Variants in FAT1 observed in about 807,000 individuals in gnomAD.
FAT1 encodes FAT atypical cadherin 1.
FAT1 carries 171 observed loss-of-function variants against 329.8 expected under a neutral mutation model. The observed-to-expected ratio is 0.52, with a 90% confidence interval of 0.46 to 0.59. FAT1 has a LOEUF of 0.59. FAT1 is among the 20% of genes least tolerant of loss of function. The pLI is 0.00. For missense variants in FAT1, 5,672 were observed against 5,774.4 expected, an observed-to-expected ratio of 0.98 and a Z score of 0.57; for synonymous variants, 2,233 against 2,228.6, an observed-to-expected ratio of 1.00 and a Z score of -0.06.
intron 9 of FAT1, among the ~76,000 whole-genome samples, chr4:186,627,855 TA>T (rs1433839242): frequency 3.9e-5 from 6 of 152,192 alleles, no homozygotes; most frequent in African/African-American, 1.4e-4. Context: ...GTGGTTAAAA[TA>T]ATTTCAGAAA....
intron 3 of FAT1, among the ~76,000 whole-genome samples, chr4:186,642,611 G>A (rs1005529899): frequency 1.8e-4 from 28 of 152,188 alleles, no homozygotes; most frequent in Non-Finnish European, 3.5e-4. Context: ...TAGGCAGCGT[G>A]TGCCAGGTGC....
rs201960763 is a variant in FAT1, at chr4:186,596,918, G to T, written c.12622C>A (p.Arg4208=). ...VFVLCRKMIS[R]KKKHQAEPKD... is the part of the protein sequence containing the mutation. The stretch of plus-strand genomic sequence containing the variant: ...GGTTCAGCCTGATGCTTCTTTTTCC[G>T]ACTAATCATCTTACGGCAGAGAACA... The change falls in exon 25 of 27, where the codon CGG becomes AGG. Residue 4208 remains arginine (R), a synonymous_variant. Coordinates refer to ENST00000441802, the MANE Select transcript of FAT1 (RefSeq NM_005245.4). This position sits in a 1 kb window ranked among gnomAD's most constrained non-coding sequence, Gnocchi z 4.7. The T allele has an allele frequency of 1.9e-6, 3 of 1,613,916 alleles. No individual in the cohort carries two copies. The South Asian group carries it at 3.3e-5, about 18-fold the overall frequency.
At chr4:186,674,279 T>C (rs1487199834) in intron 2 of FAT1, among the ~76,000 whole-genome samples, 1 of 152,244 alleles carries the variant, frequency 6.6e-6, no homozygotes, top group Non-Finnish European at 1.5e-5. Flanking sequence ...AATGAATTAA[T>C]GGATTACCTT....
chr4:186,722,647 T>C (rs1745513553), intron 1 of FAT1, among the ~76,000 whole-genome samples: 2 of 152,216 alleles, frequency 1.3e-5, no homozygotes, highest in African/African-American at 4.8e-5. Context: ...TTAAGAATAG[T>C]GTGAAAAACA....
rs752916254 is a variant in FAT1, at chr4:186,620,147, T to G, written c.6439A>C (p.Asn2147His). The G allele has an allele frequency of 6.2e-7, 1 of 1,614,026 alleles. No homozygotes were observed. The highest frequency in any genetic ancestry group is 2.2e-5 in the East Asian group (1 of 44,880). Residue 2147 changes from asparagine (N) to histidine (H), a missense_variant, in exon 10 of 27, where the codon AAT becomes CAT. This residue lies in a region of FAT1 where 3,966 missense variants were observed against 3,915.2 expected (regional missense o/e 1.01). Coordinates refer to ENST00000441802, the MANE Select transcript of FAT1 (RefSeq NM_005245.4). ...LKKQFELDTL[N>H]KEYLVTVVAK... ...ACCACTGTAACAAGATATTCTTTAT[T>G]TAAGGTGTCAAGCTCAAATTGCTTT...
chr4:186,603,769 A>G lies in FAT1; in HGVS notation c.10757T>C (p.Met3586Thr), dbSNP rs115705222. ...GCTGGAAACAGAGAACAGGTTGTCCATCTGAGGGTCGAGACTGTAGGTTAG... is the reference window on the plus strand; with the variant it reads ...GCTGGAAACAGAGAACAGGTTGTCCGTCTGAGGGTCGAGACTGTAGGTTAG... Reference protein sequence around the residue: ...DTLTYSLDPQMDNLFSVSSTG... With the variant: ...DTLTYSLDPQTDNLFSVSSTG... Residue 3586 changes from methionine to threonine, a missense_variant, in exon 19 of 27, where the codon ATG (methionine) becomes ACG (threonine). By Grantham distance (81) the Met-to-Thr change is moderately conservative (BLOSUM62 -1). This residue lies in a region of FAT1 where 1,706 missense variants were observed against 1,859.1 expected (regional missense o/e 0.92). Coordinates refer to ENST00000441802, the MANE Select transcript of FAT1 (RefSeq NM_005245.4). The G allele has an allele frequency of 1.5e-3, 2,486 of 1,613,956 alleles. 47 individuals are homozygous for G. In the African/African-American group the frequency reaches 0.03, roughly 19 times the overall value.
Position 186,609,991 on chromosome 4 carries a change from A to C in FAT1, c.9878T>G (p.Leu3293Arg). 1.9e-6 allele frequency: 3 copies of C among 1,611,692 alleles called. No homozygotes were observed. The highest frequency in any genetic ancestry group is 2.5e-6 in the Non-Finnish European group (3 of 1,177,912). Residue 3293 changes from leucine to arginine, a missense_variant, in exon 15 of 27, where the codon CTG becomes CGG. Leu to Arg is a moderately radical substitution (Grantham distance 102). Transcript: ENST00000441802. ...ATACTCATGAGAGCTCTCATAATCC[A>C]GATTCTCAATGATAAATACGGCCCC... ...KTGAVFIIEN[L>R]DYESSHEYYL...
At chr4:186,630,353 C>A (rs1267657840) in intron 7 of FAT1, among the ~76,000 whole-genome samples, 1 of 151,984 alleles carries the variant, frequency 6.6e-6, no homozygotes, top group East Asian at 1.9e-4. Flanking sequence ...AGCAGTGGGA[C>A]GGAACATCCT....
intron 24 of FAT1, 29 bp downstream of exon 24, chr4:186,597,653 G>A (rs773774314): frequency 5.8e-6 from 9 of 1,538,684 alleles, no homozygotes; most frequent in Non-Finnish European, 8.1e-6. Flanking sequence ...GAAAAGGTAT[G>A]AACCTAAATT....
rs142805532 is a variant in FAT1 at position 186,636,808 on chromosome 4, T to C, written c.3749A>G (p.Tyr1250Cys). ...TTCCCGCTCAGGGAGTCTGATTTTG[T>C]AGAACTTTTGCAGAAACTGAGGTTT... ...DNKPQFLQKF[Y>C]KIRLPEREKP... The change falls in exon 5 of 27, where the codon TAC (tyrosine) becomes TGC (cysteine). Residue 1250 changes from tyrosine (Y) to cysteine (C), a missense_variant. By Grantham distance (194) the Tyr-to-Cys change is radical. Transcript: ENST00000441802. 2.8e-3 allele frequency: 4,488 copies of C among 1,614,016 alleles called. 14 individuals carry two copies. The highest frequency in any genetic ancestry group is 3.0e-3 in the Non-Finnish European group (3,577 of 1,179,888).
chr4:186,680,967 A>G (rs461232), intron 2 of FAT1, among the ~76,000 whole-genome samples: 118,520 of 152,116 alleles, frequency 0.78, 46,942 homozygotes, highest in African/African-American at 0.82. Context: ...CTGCCAACCA[A>G]ACCCTAAGAA....
At position 186,624,075 on chromosome 4, in the gene FAT1, C is replaced by T. The variant is rs369203406; in HGVS notation, c.4811-2300G>A. On this transcript the variant is annotated intron_variant, in intron 9 of 26. Coordinates refer to ENST00000441802, the MANE Select transcript of FAT1 (RefSeq NM_005245.4). The stretch of plus-strand genomic sequence containing the variant: ...GAGGGCTGCTGAGTGGTAGAAAGTG[C>T]CCCTGCCTGGCCTAACAACAGGTTC... Among the ~76,000 whole-genome samples the T allele has an allele frequency of 3.3e-5, 5 of 152,258 alleles. No individual in the cohort carries two copies. In the East Asian group the frequency reaches 5.8e-4, roughly 18 times the overall value.
At chr4:186,604,598 T>TA in intron 17 of FAT1, 24 bp from the exon 18 acceptor site, 4 of 1,554,060 alleles carry the variant, frequency 2.6e-6, no homozygotes, top group Non-Finnish European at 3.5e-6. Flanking sequence ...GAAACAAAAT[T>TA]AAACAAAAAT....
intron 3 of FAT1, among the ~76,000 whole-genome samples, chr4:186,648,683 A>G (rs914853248): frequency 6.6e-6 from 1 of 152,176 alleles, no homozygotes; most frequent in Non-Finnish European, 1.5e-5. Flanking sequence ...CCTACCAAGG[A>G]AAGTGTTCAG....
intron 2 of FAT1, among the ~76,000 whole-genome samples, chr4:186,694,564 T>A (rs534889409): frequency 6.6e-6 from 1 of 152,192 alleles, no homozygotes; most frequent in South Asian, 2.1e-4. Flanking sequence ...CTTAAAAGAG[T>A]CTGGTAACTA....
intron 8 of FAT1, 56 bp downstream of exon 8, chr4:186,628,432 G>T (rs73873666): frequency 6.2e-7 from 1 of 1,610,428 alleles, no homozygotes; most frequent in Admixed American, 1.7e-5. Context: ...AATCACGCTC[G>T]AACACACAAA....
chr4:186,661,517 C>T (rs931230365), intron 3 of FAT1, among the ~76,000 whole-genome samples: 10 of 152,168 alleles, frequency 6.6e-5, no homozygotes, highest in Non-Finnish European at 1.3e-4. Context: ...GTGGAGGCTA[C>T]GGGAAGGTGA....
rs1738071288 is a variant in FAT1, at chr4:186,588,673, A to T, written c.13686T>A (p.Ser4562Arg). 6.2e-7 allele frequency: 1 copy of T among 1,613,640 alleles called. No homozygotes were observed. The highest frequency in any genetic ancestry group is 8.5e-7 in the Non-Finnish European group (1 of 1,179,850). The change falls in exon 27 of 27, where the codon AGT becomes AGA. Residue 4562 changes from serine to arginine, a missense_variant. Ser to Arg is a moderately radical substitution (Grantham distance 110). Around this residue, in one of 2 missense-constraint regions of FAT1, gnomAD observed 1,706 missense variants for 1,859.1 expected, o/e 0.92. Transcript: ENST00000441802. ...CCEVESEVMM[S>R]DYESGDDGHF... ...GGCCGTCGTCCCCGCTCTCATAGTC[A>T]CTCATCATGACCTCGGACTCCACTT... is the stretch of plus-strand genomic sequence containing the variant.
Position 186,613,197 on chromosome 4 carries a change from G to A in FAT1, c.9375C>T (p.Phe3125=), listed in dbSNP as rs2126475015. 6.2e-7 allele frequency: 1 copy of A among 1,613,932 alleles called. No homozygotes were observed. Among genetic ancestry groups the A allele is most frequent in the South Asian group, 1.1e-5 (1 of 91,086 alleles). Residue 3125 remains phenylalanine (F), a synonymous_variant, in exon 13 of 27, where the codon TTC becomes TTT. Coordinates refer to ENST00000441802, the MANE Select transcript of FAT1 (RefSeq NM_005245.4). ...CGGTGATGGCATAAGGATCGGCAGA[G>A]AATTCGGGGGCGTTATCGTTCACAT... is the stretch of plus-strand genomic sequence containing the variant. ...LEDVNDNAPE[F]SADPYAITVF...
Sources: gnomAD v4.1 joint callset for allele counts (sites outside exome capture counted in the v4.1 genomes callset) on GRCh38, gnomAD v4.1.1 for gene constraint, gnomAD v4.1.1 regional missense constraint, Gnocchi (gnomAD v3.1) non-coding constraint, MANE v1.5 for transcripts, NCBI Gene and HGNC (gene_info 2026-07-23, HGNC 2026-07-21) for gene names.